Variants in FREM2 observed in about 807,000 individuals in gnomAD.
FREM2 encodes the protein FRAS1 related extracellular matrix 2.
In FREM2, 119 loss-of-function variants were observed where a neutral mutation model predicts 219.9. The ratio of observed to expected loss-of-function variants is 0.54; its 90% CI spans 0.47 to 0.63. The LOEUF (loss-of-function observed/expected upper bound fraction) is 0.63. FREM2 is among the 30% of genes least tolerant of loss of function. The pLI is 0.00. For synonymous variants in FREM2, 1,562 were observed against 1,522.8 expected (o/e 1.03, Z -0.60); for missense variants, 4,030 against 3,993.6 (o/e 1.01, Z -0.25).
At chr13:38,772,974 G>A (rs146871350) in intron 4 of FREM2, among the ~76,000 whole-genome samples, 3,411 of 152,192 alleles carry the variant, frequency 0.022, 135 homozygotes, top group East Asian at 0.15. Flanking sequence ...TGGGATTACA[G>A]GGGTGAGCCA....
chr13:38,836,510 G>T lies in FREM2; in HGVS notation c.6020-10063G>T, dbSNP rs541196136. 4.1e-4 allele frequency among the ~76,000 whole-genome samples: 63 copies of T among 152,260 alleles called. 1 individual carries two copies. The highest frequency in any genetic ancestry group is 1.5e-3 in the African/African-American group (61 of 41,524). On this transcript the variant is annotated intron_variant, in intron 6 of 23. Coordinates refer to ENST00000280481, the MANE Select transcript of FREM2 (RefSeq NM_207361.6). ...TTTTCTATTGTTTGGAATAGTTTCA[G>T]AAGGAATGGTACCAGCTCCTCTTTG...
At chr13:38,783,509 C>T (rs962570174) in intron 5 of FREM2, among the ~76,000 whole-genome samples, 12 of 149,180 alleles carry the variant, frequency 8.0e-5, no homozygotes, top group African/African-American at 2.5e-4. Context: ...CAAAGTGATG[C>T]GTGCCCAAGG....
In FREM2 at chr13:38,689,702, C is replaced by T; in HGVS notation, c.2358C>T (p.Tyr786=). The part of the protein sequence containing the change: ...QAQINHHKIA[Y]RPPGQELGVA... ...AGATCAACCATCATAAAATTGCTTA[C>T]AGACCCCCGGGTCAAGAACTGGGCG... Residue 786 remains tyrosine, a synonymous_variant, in exon 1 of 24, where the codon TAC becomes TAT. Coordinates refer to ENST00000280481, the MANE Select transcript of FREM2 (RefSeq NM_207361.6). The T allele has an allele frequency of 6.2e-7, 1 of 1,614,060 alleles. No homozygotes were observed. The highest frequency in any genetic ancestry group is 8.5e-7 in the Non-Finnish European group (1 of 1,179,968).
intron 6 of FREM2, among the ~76,000 whole-genome samples, chr13:38,787,542 C>T (rs1036061461): frequency 6.6e-6 from 1 of 151,974 alleles, no homozygotes; most frequent in Non-Finnish European, 1.5e-5. Context: ...ACTTTGCCAT[C>T]GTCAGGAAGA....
chr13:38,803,089 T>C (rs1185930527), intron 6 of FREM2, among the ~76,000 whole-genome samples: 1 of 152,228 alleles, frequency 6.6e-6, no homozygotes, highest in Non-Finnish European at 1.5e-5. Context: ...GGATGAGGCA[T>C]GTACTAGCTG....
chr13:38,878,764 A>G, intron 22 of FREM2, 67 bp from the exon 23 acceptor site: 1 of 1,450,684 alleles, frequency 6.9e-7, no homozygotes, highest in Admixed American at 1.7e-5. Flanking sequence ...CAAATAGAGA[A>G]ACATGCTGTC....
In FREM2 at chr13:38,691,132, T is replaced by C. The variant is rs1021265242; in HGVS notation, c.3788T>C (p.Ile1263Thr). 17 of 1,613,998 alleles carry C rather than the reference T, an allele frequency of 1.1e-5. No individual in the cohort carries two copies. Among genetic ancestry groups the C allele is most frequent in the Non-Finnish European group, 1.4e-5 (17 of 1,180,036 alleles). The change falls in exon 1 of 24, where the codon ATT becomes ACT. Residue 1263 changes from isoleucine to threonine, a missense_variant. Coordinates refer to ENST00000280481, the MANE Select transcript of FREM2 (RefSeq NM_207361.6). ...TLDQIIESSS[I>T]IYEHDDSETQ... is the part of the protein sequence containing the mutation. Reference sequence around the variant, plus strand: ...GATCAGATCATAGAGAGTTCCAGCATTATTTATGAGCATGATGACTCCGAG... The same window carrying C: ...GATCAGATCATAGAGAGTTCCAGCACTATTTATGAGCATGATGACTCCGAG...
intron 2 of FREM2, among the ~76,000 whole-genome samples, chr13:38,741,950 G>A (rs1171343934): frequency 3.3e-5 from 5 of 152,036 alleles, no homozygotes; most frequent in African/African-American, 1.2e-4. Flanking sequence ...TATTGACAAT[G>A]AAAAAAATAC....
chr13:38,728,506 A>G (rs1871623314), intron 2 of FREM2, among the ~76,000 whole-genome samples: 1 of 152,034 alleles, frequency 6.6e-6, no homozygotes, highest in African/African-American at 2.4e-5. Context: ...CCCATACACA[A>G]GTGATCCTCT....
chr13:38,703,843 GA>G (rs1870434736), intron 2 of FREM2, among the ~76,000 whole-genome samples: 1 of 152,006 alleles, frequency 6.6e-6, no homozygotes, highest in South Asian at 2.1e-4. Context: ...AAGATTTCTA[GA>G]AATTTCACAT....
intron 2 of FREM2, among the ~76,000 whole-genome samples, chr13:38,702,733 GA>G (rs1870391029): frequency 2.0e-5 from 3 of 152,122 alleles, no homozygotes; most frequent in Admixed American, 6.6e-5. Flanking sequence ...TATTCATTAT[GA>G]AAACCAGCTT....
intron 6 of FREM2, among the ~76,000 whole-genome samples, chr13:38,829,023 G>A (rs1361320552): frequency 6.6e-6 from 1 of 151,978 alleles, no homozygotes; most frequent in Non-Finnish European, 1.5e-5. Context: ...AATTATCTGA[G>A]CCAAGCACTG....
In FREM2 at chr13:38,834,810, G is replaced by T. The variant is rs142055671; in HGVS notation, c.6020-11763G>T. 6.5e-3 allele frequency among the ~76,000 whole-genome samples: 986 copies of T among 152,166 alleles called. 8 individuals are homozygous for T. The highest frequency in any genetic ancestry group is 0.012 in the Non-Finnish European group (814 of 67,984). On this transcript the variant is annotated intron_variant, in intron 6 of 23. Coordinates refer to ENST00000280481, the MANE Select transcript of FREM2 (RefSeq NM_207361.6). ...TTCATGAGGTTGTTTGTTTTTTCTT[G>T]TAAATTTGTTTAAGTTCATTGTAGA...
chr13:38,754,601 A>C (rs953878247), intron 2 of FREM2, among the ~76,000 whole-genome samples: 3 of 152,092 alleles, frequency 2.0e-5, no homozygotes, highest in African/African-American at 7.2e-5. Flanking sequence ...CCTAAATTGC[A>C]GGGTTGCTGT....
chr13:38,689,945 TCTCA>T lies in FREM2; in HGVS notation c.2606_2609del (p.Thr869ArgfsTer8), dbSNP rs1473146424. The stretch of plus-strand genomic sequence containing the variant: ...CTGATGTTGCCCATATCTCTTTCAC[TCTCA>T]CTCAGGCACCCAAACATGGCCACAT... On this transcript the variant is annotated frameshift_variant, in exon 1 of 24. Transcript: ENST00000280481. LOFTEE classifies it high-confidence loss of function. The T allele has an allele frequency of 1.2e-6, 2 of 1,614,166 alleles. No individual in the cohort carries two copies. Among genetic ancestry groups the T allele is most frequent in the Non-Finnish European group, 8.5e-7 (1 of 1,180,020 alleles).
At chr13:38,791,527 C>T (rs1018416698) in intron 6 of FREM2, among the ~76,000 whole-genome samples, 8 of 152,078 alleles carry the variant, frequency 5.3e-5, no homozygotes, top group East Asian at 3.9e-4. Flanking sequence ...TCCACATGCC[C>T]GGGAAGGCCT....
intron 6 of FREM2, among the ~76,000 whole-genome samples, chr13:38,828,810 GTTA>G (rs1459148750): frequency 6.6e-6 from 1 of 151,912 alleles, no homozygotes; most frequent in African/African-American, 2.4e-5. Context: ...ATTTTTAATG[GTTA>G]TATAGTATTC....
Position 38,689,886 on chromosome 13 carries a change from A to C in FREM2, c.2542A>C (p.Ser848Arg), listed in dbSNP as rs766733658. 1 of 1,614,170 alleles carries C rather than the reference A, an allele frequency of 6.2e-7. No homozygotes were observed. Among genetic ancestry groups the C allele is most frequent in the Non-Finnish European group, 8.5e-7 (1 of 1,180,042 alleles). The change falls in exon 1 of 24, where the codon AGT becomes CGT. Residue 848 changes from serine to arginine, a missense_variant. Ser to Arg is a moderately radical substitution (Grantham distance 110, BLOSUM62 -1). This residue lies in a region of FREM2 where 3,102 missense variants were observed against 2,950.7 expected (regional missense o/e 1.05). Transcript: ENST00000280481. ...TIQEKGHHIL[S>R]ETELHVNDVD... ...TCAGGAGAAGGGTCACCACATCCTG[A>C]GTGAGACAGAGTTGCACGTGAATGA...
chr13:38,844,439 A>AT (rs1171556718), intron 6 of FREM2, among the ~76,000 whole-genome samples: 3 of 152,078 alleles, frequency 2.0e-5, no homozygotes, highest in Non-Finnish European at 4.4e-5. Context: ...AGACTTCCAT[A>AT]TTTTTTCTTA....
Sources: allele counts gnomAD v4.1 joint callset (sites outside exome capture counted in the v4.1 genomes callset), GRCh38; gene constraint gnomAD v4.1.1; regional missense constraint gnomAD v4.1.1; transcripts MANE v1.5; gene names NCBI Gene and HGNC (gene_info 2026-07-23, HGNC 2026-07-21).